Variants in TLN1 observed in about 807,000 individuals in gnomAD.
TLN1 encodes talin-1.
TLN1 carries 56 observed loss-of-function variants against 292.3 expected under a neutral mutation model. That is an observed-to-expected ratio of 0.19 (90% CI 0.15 to 0.24). TLN1 has a LOEUF of 0.24. TLN1 is among the 10% of genes least tolerant of loss of function. The pLI is 1.00. For missense variants in TLN1, 2,433 were observed against 3,248.2 expected (o/e 0.75, Z 6.10); for synonymous variants, 1,119 against 1,253.7 (o/e 0.89, Z 2.27).
chr9:35,720,934 C>T (rs1173178831), intron 10 of TLN1, 21 bp from the exon 11 acceptor site: 8 of 1,585,418 alleles, frequency 5.0e-6, no homozygotes, highest in Non-Finnish European at 6.9e-6. Flanking sequence ...AAGTGGGGGA[C>T]TCAGAGGGAA....
Position 35,704,188 on chromosome 9 carries a change from C to T in TLN1, c.6048-14G>A, listed in dbSNP as rs1825520280. On this transcript the variant is annotated splice_polypyrimidine_tract_variant and intron_variant, in intron 45 of 56. Transcript: ENST00000314888. The surrounding 1 kb of genome is among the most constrained non-coding windows in gnomAD (Gnocchi z 6.9). The stretch of plus-strand genomic sequence containing the variant: ...AGGATGCCCTCCCTGAGGGAGGGCC[C>T]AGCTTAGTCAGATCTCCCCTACCCG... The T allele has an allele frequency of 1.3e-6, 2 of 1,576,938 alleles. No individual in the cohort carries two copies. Among genetic ancestry groups the T allele is most frequent in the Non-Finnish European group, 8.6e-7 (1 of 1,159,886 alleles).
In TLN1 at chr9:35,704,435, C is replaced by G; in HGVS notation, c.5944G>C (p.Ala1982Pro). ...NRGTQACITA[A>P]SAVSGIIADL... ...GCAATGATACCAGACACAGCGCTGG[C>G]TGCTGTGATGCAGGCCTGGGTGCCA... is the stretch of plus-strand genomic sequence containing the variant. Residue 1982 changes from alanine to proline, a missense_variant, in exon 45 of 57, where the codon GCC becomes CCC. Transcript: ENST00000314888. The surrounding 1 kb of genome is among the most constrained non-coding windows in gnomAD (Gnocchi z 6.9). 1 of 1,614,184 alleles carries G rather than the reference C, an allele frequency of 6.2e-7. No homozygotes were observed. The highest frequency in any genetic ancestry group is 8.5e-7 in the Non-Finnish European group (1 of 1,180,020).
chr9:35,717,081 T>C lies in TLN1; in HGVS notation c.2458+65A>G, dbSNP rs1463910487. 3.3e-6 allele frequency: 5 copies of C among 1,527,190 alleles called. No individual in the cohort carries two copies. Among genetic ancestry groups the C allele is most frequent in the East Asian group, 2.3e-5 (1 of 44,066 alleles). The allele number at this position is 1,527,190 out of a possible 1,614,324, so 94.6% of individuals were successfully genotyped here. A position where few individuals can be genotyped will look rare whatever the true frequency, so the allele number is the denominator to read the frequency against. On this transcript the variant is annotated intron_variant, in intron 19 of 56. Transcript: ENST00000314888. This position sits in a 1 kb window ranked among gnomAD's most constrained non-coding sequence, Gnocchi z 4.7. ...TGAAGTGGTTAGGTCCGCAAGGGGATGATGTCCAGTGGGCTTAGGGAACCC... is the reference window on the plus strand; with the variant it reads ...TGAAGTGGTTAGGTCCGCAAGGGGACGATGTCCAGTGGGCTTAGGGAACCC...
Position 35,714,255 on chromosome 9 carries a change from C to T in TLN1, c.3104G>A (p.Arg1035Gln). Residue 1035 changes from arginine (R) to glutamine (Q), a missense_variant, in exon 24 of 57, where the codon CGG becomes CAG. Physicochemically the swap from Arg to Gln is conservative, Grantham distance 43. Coordinates refer to ENST00000314888, the MANE Select transcript of TLN1 (RefSeq NM_006289.4). The surrounding 1 kb of genome is among the most constrained non-coding windows in gnomAD (Gnocchi z 4.6). ...CTTCCATACCTTCTGGGCAGCCGTC[C>T]GGAGTTCAGCCAGCGCGGTGCCCAG... is the stretch of plus-strand genomic sequence containing the variant. ...KNLGTALAELRTAAQKAQEAC... is the reference protein window; with the variant it reads ...KNLGTALAELQTAAQKAQEAC... 1 of 1,611,550 alleles carries T rather than the reference C, an allele frequency of 6.2e-7. No individual in the cohort carries two copies. Among genetic ancestry groups the T allele is most frequent in the South Asian group, 1.1e-5 (1 of 90,886 alleles).
chr9:35,698,473 C>T lies in TLN1; in HGVS notation c.7221G>A (p.Leu2407=). 1 of 1,614,008 alleles carries T rather than the reference C, an allele frequency of 6.2e-7. No homozygotes were observed. The highest frequency in any genetic ancestry group is 8.5e-7 in the Non-Finnish European group (1 of 1,179,986). ...ARMVAAATNN[L]CEAANAAVQG... ...GTACAGCTGCATTGGCTGCCTCACA[C>T]AGATTGTTGGTGGCCGCAGCCACCA... The change falls in exon 55 of 57, where the codon CTG becomes CTA. Residue 2407 remains leucine, a synonymous_variant. Coordinates refer to ENST00000314888, the MANE Select transcript of TLN1 (RefSeq NM_006289.4). The surrounding 1 kb of genome is among the most constrained non-coding windows in gnomAD (Gnocchi z 5.3).
In TLN1 at chr9:35,716,501, A is replaced by G. The variant is rs1240480210; in HGVS notation, c.2514T>C (p.Asn838=). The G allele has an allele frequency of 1.2e-6, 2 of 1,614,166 alleles. No individual in the cohort carries two copies. Among genetic ancestry groups the G allele is most frequent in the Admixed American group, 3.3e-5 (2 of 60,024 alleles). The change falls in exon 20 of 57, where the codon AAT becomes AAC. Residue 838 remains asparagine, a synonymous_variant. Transcript: ENST00000314888. The part of the protein sequence containing the change: ...ILAQATSDLV[N]AIKADAEGES... Reference sequence around the variant, plus strand: ...CCCCCTCAGCATCAGCCTTGATGGCATTGACCAGGTCAGATGTGGCTTGGG... The same window carrying G: ...CCCCCTCAGCATCAGCCTTGATGGCGTTGACCAGGTCAGATGTGGCTTGGG...
Position 35,714,983 on chromosome 9 carries a change from C to T in TLN1, c.2754+76G>A, listed in dbSNP as rs1587984500. On this transcript the variant is annotated intron_variant, in intron 21 of 56. Coordinates refer to ENST00000314888, the MANE Select transcript of TLN1 (RefSeq NM_006289.4). The surrounding 1 kb of genome is among the most constrained non-coding windows in gnomAD (Gnocchi z 4.6). ...CCTCAAGGACGTATTAACTTACTCTCCGCACCTCCCTTTCAGTTCATTCCT... is the reference window on the plus strand; with the variant it reads ...CCTCAAGGACGTATTAACTTACTCTTCGCACCTCCCTTTCAGTTCATTCCT... 1 of 1,611,190 alleles carries T rather than the reference C, an allele frequency of 6.2e-7. No homozygotes were observed. Among genetic ancestry groups the T allele is most frequent in the East Asian group, 2.2e-5 (1 of 44,886 alleles).
At chr9:35,705,903 T>G (rs1400040321) in intron 41 of TLN1, 52 bp from the exon 42 acceptor site, 1 of 1,614,012 alleles carries the variant, frequency 6.2e-7, no homozygotes, top group African/African-American at 1.3e-5. Flanking sequence ...TCTGCCACTG[T>G]GCTTGGAGGC....
chr9:35,723,564 A>G (rs1825915790), intron 7 of TLN1: 1 of 231,362 alleles, frequency 4.3e-6, no homozygotes, highest in Non-Finnish European at 8.6e-6. Context: ...GCACTTAGGA[A>G]GCTGAGAAAG....
chr9:35,717,762 C>T lies in TLN1; in HGVS notation c.2020G>A (p.Ala674Thr), dbSNP rs1292818814. 1.2e-6 allele frequency: 2 copies of T among 1,607,924 alleles called. No individual in the cohort carries two copies. The highest frequency in any genetic ancestry group is 1.7e-6 in the Non-Finnish European group (2 of 1,175,456). ...FQDALMQLAK[A>T]VASAAAALVL... ...AGGGCAGCTGCAGCACTTGCCACAG[C>T]TTTGGCGAGCTGCATTAGCGCATCC... The change falls in exon 18 of 57, where the codon GCT becomes ACT. Residue 674 changes from alanine (A) to threonine (T), a missense_variant. Coordinates refer to ENST00000314888, the MANE Select transcript of TLN1 (RefSeq NM_006289.4). This position sits in a 1 kb window ranked among gnomAD's most constrained non-coding sequence, Gnocchi z 4.7.
intron 26 of TLN1, 41 bp from the exon 27 acceptor site, chr9:35,713,084 A>G: frequency 6.3e-7 from 1 of 1,576,900 alleles, no homozygotes; most frequent in Non-Finnish European, 8.7e-7. Context: ...AGGTGCTTTC[A>G]TTGCCAGGCC....
Position 35,707,810 on chromosome 9 carries a change from T to C in TLN1, c.4553A>G (p.Asn1518Ser), listed in dbSNP as rs372921366. Residue 1518 changes from asparagine to serine, a missense_variant, in exon 35 of 57, where the codon AAT becomes AGT. Around this residue, in one of 7 missense-constraint regions of TLN1, gnomAD observed 1,384 missense variants for 1,699.6 expected, o/e 0.81. Coordinates refer to ENST00000314888, the MANE Select transcript of TLN1 (RefSeq NM_006289.4). The surrounding 1 kb of genome is among the most constrained non-coding windows in gnomAD (Gnocchi z 5.6). ...TACAAACTGGCGCTTGGCAGTAGGA[T>C]TGGTGGTACGGGCAGAAGCCAGGCG... ...SCRLASARTT[N>S]PTAKRQFVQS... is the part of the protein sequence containing the mutation. 4 of 1,614,068 alleles carry C rather than the reference T, an allele frequency of 2.5e-6. No homozygotes were observed. The highest frequency in any genetic ancestry group is 1.1e-5 in the South Asian group (1 of 91,072).
rs1185222070 is a variant in TLN1, at chr9:35,719,376, CAT to C, written c.1688-96_1688-95del. 39 of 1,386,344 alleles carry C rather than the reference CAT, an allele frequency of 2.8e-5. No individual in the cohort carries two copies. Among genetic ancestry groups the C allele is most frequent in the Admixed American group, 8.7e-5 (5 of 57,792 alleles). The allele number at this position is 1,386,344 out of a possible 1,614,324, so 85.9% of individuals were successfully genotyped here. A position where few individuals can be genotyped will look rare whatever the true frequency, so the allele number is the denominator to read the frequency against. On this transcript the variant is annotated intron_variant, in intron 15 of 56. Transcript: ENST00000314888. The surrounding 1 kb of genome is among the most constrained non-coding windows in gnomAD (Gnocchi z 4.6). ...AAAGTCACACCCAGTTAGTCACACA[CAT>C]GTCCACAGAAAGACGCACACACACA...
In TLN1 at chr9:35,719,715, G is replaced by C; in HGVS notation, c.1578+25C>G. 6.2e-7 allele frequency: 1 copy of C among 1,609,686 alleles called. No individual in the cohort carries two copies. The highest frequency in any genetic ancestry group is 2.2e-5 in the East Asian group (1 of 44,800). ...TTGGAGTCTCAGCTTCAGTACCACC[G>C]GCCTCTCCTCCATCCCATACTTACA... On this transcript the variant is annotated intron_variant, in intron 14 of 56. Coordinates refer to ENST00000314888, the MANE Select transcript of TLN1 (RefSeq NM_006289.4). The surrounding 1 kb of genome is among the most constrained non-coding windows in gnomAD (Gnocchi z 4.6).
intron 33 of TLN1, 29 bp downstream of exon 33, chr9:35,710,532 A>G: frequency 6.2e-7 from 1 of 1,600,834 alleles, no homozygotes; most frequent in South Asian, 1.1e-5. Context: ...AGTAGGGGCC[A>G]TTCAAAGAAC....
Position 35,707,856 on chromosome 9 carries a change from A to C in TLN1, c.4507T>G (p.Ser1503Ala). 1 of 1,614,164 alleles carries C rather than the reference A, an allele frequency of 6.2e-7. No individual in the cohort carries two copies. The highest frequency in any genetic ancestry group is 1.3e-5 in the African/African-American group (1 of 75,042). ...SAATIVAKHT[S>A]ALCNSCRLAS... is the part of the protein sequence containing the mutation. ...AGGCGACAGCTGTTACACAGTGCAG[A>C]GGTGTGTTTAGCCACAATGGTGGCT... Residue 1503 changes from serine (S) to alanine (A), a missense_variant, in exon 35 of 57, where the codon TCT becomes GCT. By Grantham distance (99) the Ser-to-Ala change is moderately conservative. This residue lies in a region of TLN1 where 1,384 missense variants were observed against 1,699.6 expected (regional missense o/e 0.81). Coordinates refer to ENST00000314888, the MANE Select transcript of TLN1 (RefSeq NM_006289.4). The surrounding 1 kb of genome is among the most constrained non-coding windows in gnomAD (Gnocchi z 5.6).
rs142185225 is a variant in TLN1 at position 35,712,959 on chromosome 9, G to A, written c.3437C>T (p.Ala1146Val). The A allele has an allele frequency of 5.0e-6, 8 of 1,610,526 alleles. No individual in the cohort carries two copies. In the African/African-American group the frequency reaches 6.7e-5, roughly 13 times the overall value. ...CGTATCAAGTACAATGGCCTGCACT[G>A]CAGGATCTGACGTCAGTGCAGCGAC... ...RGVAALTSDP[A>V]VQAIVLDTAS... Residue 1146 changes from alanine (A) to valine (V), a missense_variant, in exon 27 of 57, where the codon GCA becomes GTA. Coordinates refer to ENST00000314888, the MANE Select transcript of TLN1 (RefSeq NM_006289.4).
Position 35,699,060 on chromosome 9 carries a change from T to G in TLN1, c.6971A>C (p.Glu2324Ala). The change falls in exon 52 of 57, where the codon GAG becomes GCG. Residue 2324 changes from glutamate to alanine, a missense_variant. Physicochemically the swap from Glu to Ala is moderately radical, Grantham distance 107. Coordinates refer to ENST00000314888, the MANE Select transcript of TLN1 (RefSeq NM_006289.4). This position sits in a 1 kb window ranked among gnomAD's most constrained non-coding sequence, Gnocchi z 4.0. ...GGGTTTGGCCCGGGGCTTCAGCTGC[T>G]CTAGCTTTTTGGCTGCAGCCTCAAT... is the stretch of plus-strand genomic sequence containing the variant. ...AAIEAAAKKL[E>A]QLKPRAKPKE... 2 of 1,613,840 alleles carry G rather than the reference T, an allele frequency of 1.2e-6. No homozygotes were observed. The highest frequency in any genetic ancestry group is 2.7e-5 in the African/African-American group (2 of 75,010).
rs1825920341 is a variant in TLN1 at position 35,723,841 on chromosome 9, C to T, written c.782+111G>A. On this transcript the variant is annotated intron_variant, in intron 7 of 56. Transcript: ENST00000314888. ...TAGCTATGTTGGTCAAACCCTGGTA[C>T]CTCGGAAGAAGAAATAGTGGGGGGC... The T allele has an allele frequency of 3.3e-6, 5 of 1,528,700 alleles. No individual in the cohort carries two copies. The East Asian group carries it at 6.8e-5, about 21-fold the overall frequency. The allele number at this position is 1,528,700 out of a possible 1,614,324, so 94.7% of individuals were successfully genotyped here.
Sources: allele counts gnomAD v4.1 joint callset, GRCh38; gene constraint gnomAD v4.1.1; regional missense constraint gnomAD v4.1.1; non-coding constraint Gnocchi (gnomAD v3.1); transcripts MANE v1.5; gene names NCBI Gene and HGNC (gene_info 2026-07-23, HGNC 2026-07-21).